The following MLLT10 variants were observed in gnomAD, a reference collection of about 807,000 sequenced individuals.
The protein encoded by MLLT10 is MLLT10 histone lysine methyltransferase DOT1L cofactor.
A neutral mutation model predicts 129.1 loss-of-function variants in MLLT10; 30 were observed. That is an observed-to-expected ratio of 0.23 (90% CI 0.17 to 0.32). The LOEUF is 0.32. MLLT10 is among the 10% of genes least tolerant of loss of function. The probability of loss-of-function intolerance (pLI) is 1.00; values close to 1 mark genes in which losing one functional copy is unlikely to be tolerated. For missense variants in MLLT10, 1,119 were observed against 1,268.3 expected (o/e 0.88, Z 1.79); for synonymous variants, 490 against 446.4 (o/e 1.10, Z -1.23).
At chr10:21,633,883 A>T (rs34600782) in intron 8 of MLLT10, among the ~76,000 whole-genome samples, 1 of 152,194 alleles carries the variant, frequency 6.6e-6, no homozygotes, top group South Asian at 2.1e-4. Context: ...TGTTCGAGCA[A>T]TGTCCTAATT....
At chr10:21,735,811 G>A (rs1322393861) in intron 21 of MLLT10, among the ~76,000 whole-genome samples, 1 of 152,138 alleles carries the variant, frequency 6.6e-6, no homozygotes, top group Admixed American at 6.5e-5. Flanking sequence ...TCAGAGGGTG[G>A]GAGAGGTCAG....
chr10:21,603,945 C>T (rs1384246001), intron 5 of MLLT10, among the ~76,000 whole-genome samples: 1 of 151,880 alleles, frequency 6.6e-6, no homozygotes, highest in African/African-American at 2.4e-5. Context: ...GGATTAGGGT[C>T]CTGCCCTACT....
intron 10 of MLLT10, 32 bp from the exon 11 acceptor site, chr10:21,673,318 C>CCTTTTT (rs1564622986): frequency 9.8e-6 from 3 of 307,650 alleles, no homozygotes; most frequent in South Asian, 7.0e-5. Flanking sequence ...CACCCCCCAA[C>CCTTTTT]TTTTTTTTTT....
intron 13 of MLLT10, among the ~76,000 whole-genome samples, chr10:21,710,017 C>T (rs1171906020): frequency 1.3e-5 from 2 of 152,230 alleles, no homozygotes; most frequent in South Asian, 2.1e-4. Flanking sequence ...GCTGGGATTA[C>T]AAGCATGAGC....
At chr10:21,600,718 G>T (rs1402486104) in intron 5 of MLLT10, among the ~76,000 whole-genome samples, 14 of 152,056 alleles carry the variant, frequency 9.2e-5, no homozygotes, top group Non-Finnish European at 1.6e-4. Context: ...AAATCTTGCA[G>T]TTCTGGCTGT....
At chr10:21,594,708 C>A (rs1200386475) in intron 4 of MLLT10, among the ~76,000 whole-genome samples, 3 of 150,348 alleles carry the variant, frequency 2.0e-5, no homozygotes, top group East Asian at 2.0e-4. Context: ...ATCATATCAG[C>A]TCTTTAATAC....
At chr10:21,634,094 G>A (rs2047241373) in intron 8 of MLLT10, among the ~76,000 whole-genome samples, 2 of 152,130 alleles carry the variant, frequency 1.3e-5, no homozygotes, top group Non-Finnish European at 2.9e-5. Flanking sequence ...ACAAAAACTA[G>A]CCGAGTGACG....
intron 3 of MLLT10, among the ~76,000 whole-genome samples, chr10:21,560,582 C>G (rs1412481692): frequency 6.6e-6 from 1 of 151,944 alleles, no homozygotes; most frequent in Non-Finnish European, 1.5e-5. Context: ...ATCACAGGCA[C>G]GTACTACCAC....
intron 8 of MLLT10, among the ~76,000 whole-genome samples, chr10:21,648,942 A>G (rs190749365): frequency 6.6e-5 from 10 of 152,274 alleles, no homozygotes; most frequent in Non-Finnish European, 8.8e-5. Flanking sequence ...ACCCACCCCT[A>G]TGATTCAATT....
chr10:21,682,356 T>C, intron 13 of MLLT10, 99 bp downstream of exon 13: 4 of 1,156,306 alleles, frequency 3.5e-6, no homozygotes, highest in Non-Finnish European at 5.0e-6. Flanking sequence ...ATTGATTAGA[T>C]GAAATCCAGT....
At chr10:21,633,239 A>G (rs1030664253) in intron 8 of MLLT10, among the ~76,000 whole-genome samples, 2 of 152,268 alleles carry the variant, frequency 1.3e-5, no homozygotes, top group Admixed American at 6.5e-5. Context: ...GTCCTGGCAC[A>G]TATTAACTGA....
At chr10:21,610,515 A>G (rs1238195429) in intron 5 of MLLT10, among the ~76,000 whole-genome samples, 3 of 151,956 alleles carry the variant, frequency 2.0e-5, no homozygotes, top group Non-Finnish European at 4.4e-5. Flanking sequence ...TTTTTTCTGT[A>G]TGTCGGTAGG....
At position 21,586,288 on chromosome 10, in the gene MLLT10, TTA is replaced by T; in HGVS notation, c.241-3_241-2del. The T allele has an allele frequency of 1.9e-6, 3 of 1,544,806 alleles. No individual in the cohort carries two copies. Among genetic ancestry groups the T allele is most frequent in the Admixed American group, 1.9e-5 (1 of 53,876 alleles). On this transcript the variant is annotated splice_region_variant and splice_polypyrimidine_tract_variant and intron_variant, in intron 3 of 22. Transcript: ENST00000307729. ...TCATTACCTGTTTCTTTTTTTTTTT[TTA>T]TAGAGATGTGAACTTTGTCCCCATA...
intron 8 of MLLT10, chr10:21,626,200 C>T: frequency 6.2e-7 from 1 of 1,602,392 alleles, no homozygotes; most frequent in South Asian, 1.1e-5. Flanking sequence ...CCTTGAACTG[C>T]TGTAGTACAG....
chr10:21,699,122 G>T (rs909503088), intron 13 of MLLT10, among the ~76,000 whole-genome samples: 1 of 152,194 alleles, frequency 6.6e-6, no homozygotes, highest in South Asian at 2.1e-4. Context: ...TGATCCACCC[G>T]CCTCGGCCTC....
intron 8 of MLLT10, among the ~76,000 whole-genome samples, chr10:21,626,559 T>G (rs1443527386): frequency 6.6e-6 from 1 of 152,154 alleles, no homozygotes; most frequent in Non-Finnish European, 1.5e-5. Flanking sequence ...CAAACGCCTT[T>G]TAATGGCCCC....
chr10:21,571,482 G>T (rs1290722168), intron 3 of MLLT10, among the ~76,000 whole-genome samples: 1 of 152,256 alleles, frequency 6.6e-6, no homozygotes, highest in Non-Finnish European at 1.5e-5. Flanking sequence ...TCTCAAGGCA[G>T]TAAGCTGGGC....
chr10:21,741,394 AAT>A (rs747857090), intron 22 of MLLT10, among the ~76,000 whole-genome samples: 1 of 152,208 alleles, frequency 6.6e-6, no homozygotes, highest in African/African-American at 2.4e-5. Context: ...TTAATGAGCT[AAT>A]AGAGTGCTCA....
intron 3 of MLLT10, chr10:21,541,470 CT>C (rs1277997198): frequency 1.3e-5 from 2 of 152,272 alleles, no homozygotes; most frequent in African/African-American, 2.4e-5. Flanking sequence ...ACTGCAACCT[CT>C]GCCTCCTGGA....
Sources: allele counts gnomAD v4.1 joint callset (sites outside exome capture counted in the v4.1 genomes callset), GRCh38; gene constraint gnomAD v4.1.1; transcripts MANE v1.5; gene names NCBI Gene and HGNC (gene_info 2026-07-23, HGNC 2026-07-21).